BICRAL: variants seen among roughly 807,000 people sequenced by gnomAD.
The protein encoded by BICRAL is BICRA like chromatin remodeling complex associated protein.
Under a neutral mutation model 91.8 loss-of-function variants are expected in BICRAL, and 8 were observed. The ratio of observed to expected loss-of-function variants is 0.09; its 90% CI spans 0.05 to 0.16. The LOEUF (loss-of-function observed/expected upper bound fraction) is 0.16. Among genes scored for constraint, BICRAL ranks in the 10% least tolerant of loss-of-function variants. BICRAL has a pLI of 1.00. For synonymous variants in BICRAL, 445 were observed against 491.1 expected, an observed-to-expected ratio of 0.91 and a Z score of 1.24; for missense variants, 1,038 against 1,310.9, an observed-to-expected ratio of 0.79 and a Z score of 3.21.
intron 1 of BICRAL, among the ~76,000 whole-genome samples, chr6:42,795,024 TACTC>T (rs1763383148): frequency 6.6e-6 from 1 of 151,464 alleles, no homozygotes. Context: ...TCTCCACCAA[TACTC>T]ACAAAGAGAA....
At chr6:42,747,190 G>A (rs1582793645) in intron 1 of BICRAL, among the ~76,000 whole-genome samples, 1 of 152,228 alleles carries the variant, frequency 6.6e-6, no homozygotes. Context: ...GGGCAGCCAA[G>A]ACGGCGCAGT....
At chr6:42,773,338 A>C (rs1331845453) in intron 1 of BICRAL, among the ~76,000 whole-genome samples, 1 of 151,988 alleles carries the variant, frequency 6.6e-6, no homozygotes, top group Non-Finnish European at 1.5e-5. Flanking sequence ...TCAGCCTCCC[A>C]AAGTGCTGGG....
intron 1 of BICRAL, among the ~76,000 whole-genome samples, chr6:42,762,080 T>C (rs1762559368): frequency 6.6e-6 from 1 of 152,160 alleles, no homozygotes; most frequent in Non-Finnish European, 1.5e-5. Context: ...TTTTGTTCTT[T>C]TGCAGTTCCC....
intron 10 of BICRAL, 98 bp downstream of exon 10, chr6:42,857,334 G>C: frequency 1.0e-6 from 1 of 962,378 alleles, no homozygotes; most frequent in African/African-American, 1.6e-5. Flanking sequence ...CCAGATGGTA[G>C]GCAGGTTATT....
chr6:42,794,189 C>G (rs1763356120), intron 1 of BICRAL, among the ~76,000 whole-genome samples: 2 of 151,918 alleles, frequency 1.3e-5, no homozygotes, highest in South Asian at 4.2e-4. Flanking sequence ...TACTATAAAT[C>G]TGACTTTATA....
rs1207429482 is a variant in BICRAL at position 42,794,794 on chromosome 6, CAA to C, written c.-102+12710_-102+12711del. Among the ~76,000 whole-genome samples the C allele has an allele frequency of 8.8e-3, 839 of 95,188 alleles. 46 individuals carry two copies. The East Asian group carries it at 0.15, about 17-fold the overall frequency. The allele number at this position is 95,188 out of a possible 152,430, so 62.4% of individuals were successfully genotyped here. On this transcript the variant is annotated intron_variant, in intron 1 of 12. Coordinates refer to ENST00000314073, the MANE Select transcript of BICRAL (RefSeq NM_001393499.1). Reference sequence around the variant, plus strand: ...TGAAACCCCCTCTCTACTAAAAATACAAAAAAAAAAAAAAAAAATAGCCGGGC... The same window carrying C: ...TGAAACCCCCTCTCTACTAAAAATACAAAAAAAAAAAAAAAATAGCCGGGC...
At chr6:42,781,596 GGTGTGTGTGT>G (rs61437847), upstream of BICRAL, among the ~76,000 whole-genome samples, 2 of 103,478 alleles carry the variant, frequency 1.9e-5, no homozygotes, top group Admixed American at 1.0e-4. Flanking sequence ...TGGGTGGGTG[GGTGTGTGTGT>G]GTGTGTGTGT....
intron 2 of BICRAL, among the ~76,000 whole-genome samples, chr6:42,819,867 A>G (rs1172259381): frequency 2.0e-5 from 3 of 152,162 alleles, no homozygotes; most frequent in Non-Finnish European, 2.9e-5. Flanking sequence ...ACCAGAGGAG[A>G]AGGCCTGTCT....
At chr6:42,805,800 G>C (rs919591253) in intron 1 of BICRAL, among the ~76,000 whole-genome samples, 5 of 152,102 alleles carry the variant, frequency 3.3e-5, no homozygotes, top group Non-Finnish European at 7.4e-5. Context: ...AGGAGATTGA[G>C]ACCGTCCTGG....
chr6:42,753,579 G>A (rs907033799), intron 1 of BICRAL, among the ~76,000 whole-genome samples: 1 of 152,142 alleles, frequency 6.6e-6, no homozygotes, highest in Admixed American at 6.6e-5. Context: ...ATAGATAGGA[G>A]GAGGGACATC....
At chr6:42,861,870 G>T (rs371187469) in intron 11 of BICRAL, among the ~76,000 whole-genome samples, 1 of 152,020 alleles carries the variant, frequency 6.6e-6, no homozygotes, top group African/African-American at 2.4e-5. Context: ...GTGGTGGTGC[G>T]TGCCTGTAAT....
At chr6:42,759,434 C>T (rs997361056) in intron 1 of BICRAL, among the ~76,000 whole-genome samples, 2 of 151,974 alleles carry the variant, frequency 1.3e-5, no homozygotes, top group African/African-American at 4.8e-5. Flanking sequence ...ATTGCAGGAG[C>T]CAGAGAGAAA....
In BICRAL at chr6:42,857,134, C is replaced by A. The variant is rs756067280; in HGVS notation, c.2152C>A (p.Pro718Thr). The A allele has an allele frequency of 6.2e-7, 1 of 1,613,492 alleles. No individual in the cohort carries two copies. The highest frequency in any genetic ancestry group is 2.2e-5 in the East Asian group (1 of 44,886). The change falls in exon 10 of 13, where the codon CCA becomes ACA. Residue 718 changes from proline (P) to threonine (T), a missense_variant. Coordinates refer to ENST00000314073, the MANE Select transcript of BICRAL (RefSeq NM_001393499.1). ...LQRDQAHTVT[P>T]DKSHFRSLSD... ...GAGGGACCAAGCCCACACTGTGACA[C>A]CAGACAAAAGTCACTTCCGATCACT...
At chr6:42,780,746 T>TGTTTTG (rs1762886856), upstream of BICRAL, among the ~76,000 whole-genome samples, 1 of 126,874 alleles carries the variant, frequency 7.9e-6, no homozygotes, top group Admixed American at 7.4e-5. Context: ...GTTGTTGTTT[T>TGTTTTG]GTTTTGTTTT....
In BICRAL at chr6:42,856,366, C is replaced by CTT. The variant is rs556976712; in HGVS notation, c.2108+474_2108+475dup. On this transcript the variant is annotated intron_variant, in intron 9 of 12. Transcript: ENST00000314073. ...AAATCTTTTTCTATACTTTCTTTTC[C>CTT]TTTTTTTTTTTTTTTTTTTTTTTTT... Among the ~76,000 whole-genome samples, 70 of 68,142 alleles carry CTT rather than the reference C, an allele frequency of 1.0e-3. 3 individuals are homozygous for CTT. Among genetic ancestry groups the CTT allele is most frequent in the African/African-American group, 3.9e-3 (47 of 12,168 alleles). 44.7% of individuals were successfully genotyped at this position (68,142 alleles called of 152,430 possible). A position where few individuals can be genotyped will look rare whatever the true frequency, so the allele number is the denominator to read the frequency against.
chr6:42,865,091 C>T lies in BICRAL; in HGVS notation c.2885C>T (p.Ser962Leu), dbSNP rs769129854. 7 of 1,613,982 alleles carry T rather than the reference C, an allele frequency of 4.3e-6. No individual in the cohort carries two copies. Among genetic ancestry groups the T allele is most frequent in the South Asian group, 2.2e-5 (2 of 91,082 alleles). Residue 962 changes from serine (S) to leucine (L), a missense_variant, in exon 13 of 13, where the codon TCG (serine) becomes TTG (leucine). Coordinates refer to ENST00000314073, the MANE Select transcript of BICRAL (RefSeq NM_001393499.1). The part of the protein sequence containing the change: ...ESKLSSILAD[S>L]HLEMTCNNSF... ...AAACTGTCAAGCATCCTAGCAGATT[C>T]GCACTTGGAGATGACGTGTAACAAT...
chr6:42,788,668 G>A (rs1241950665), intron 1 of BICRAL, among the ~76,000 whole-genome samples: 4 of 152,162 alleles, frequency 2.6e-5, no homozygotes, highest in Admixed American at 6.5e-5. Context: ...ACTTTCTGAC[G>A]GCTTCTGTTT....
At chr6:42,783,284 A>C (rs1057077829) in intron 1 of BICRAL, among the ~76,000 whole-genome samples, 1 of 151,930 alleles carries the variant, frequency 6.6e-6, no homozygotes, top group Non-Finnish European at 1.5e-5. Context: ...CCGGCGGCCC[A>C]GCCGGGCGTC....
At chr6:42,819,072 C>A (rs1012578978) in intron 2 of BICRAL, among the ~76,000 whole-genome samples, 1 of 152,110 alleles carries the variant, frequency 6.6e-6, no homozygotes, top group African/African-American at 2.4e-5. Context: ...TTTCCAATCA[C>A]TCATCCAGGG....
Sources: gnomAD v4.1 joint callset for allele counts (sites outside exome capture counted in the v4.1 genomes callset) on GRCh38, gnomAD v4.1.1 for gene constraint, MANE v1.5 for transcripts, NCBI Gene and HGNC (gene_info 2026-07-23, HGNC 2026-07-21) for gene names.